PAPPA2: variants seen among roughly 807,000 people sequenced by gnomAD.
PAPPA2 encodes pappalysin 2.
Under a neutral mutation model 176.4 loss-of-function variants are expected in PAPPA2, and 86 were observed. That is an observed-to-expected ratio of 0.49 (90% confidence interval 0.41 to 0.58). The LOEUF is 0.58. PAPPA2 is among the 20% of genes least tolerant of loss of function. The pLI is 0.00. For missense variants in PAPPA2, 2,073 were observed against 2,256.9 expected, an observed-to-expected ratio of 0.92 and a Z score of 1.65; for synonymous variants, 809 against 852.2, an observed-to-expected ratio of 0.95 and a Z score of 0.88.
At chr1:176,599,733 T>C (rs1654205836) in intron 3 of PAPPA2, among the ~76,000 whole-genome samples, 1 of 151,886 alleles carries the variant, frequency 6.6e-6, no homozygotes, top group African/African-American at 2.4e-5. Flanking sequence ...TTTCTTTTTT[T>C]ATTATATTTT....
intron 19 of PAPPA2, among the ~76,000 whole-genome samples, chr1:176,791,759 G>A (rs1032151800): frequency 6.6e-6 from 1 of 152,046 alleles, no homozygotes; most frequent in Non-Finnish European, 1.5e-5. Flanking sequence ...TCACCAGGTT[G>A]GCCAGGCTGG....
At chr1:176,545,418 AT>A (rs1175674617) in intron 1 of PAPPA2, among the ~76,000 whole-genome samples, 5 of 91,244 alleles carry the variant, frequency 5.5e-5, no homozygotes, top group South Asian at 6.9e-4. Flanking sequence ...CTCAGAAAAA[AT>A]AAATAAATAA....
At chr1:176,524,325 ATGC>A (rs1649366342) in intron 1 of PAPPA2, among the ~76,000 whole-genome samples, 1 of 152,178 alleles carries the variant, frequency 6.6e-6, no homozygotes, top group Non-Finnish European at 1.5e-5. Flanking sequence ...ATGTCCAAGA[ATGC>A]TGGAATCTGG....
At chr1:176,546,296 T>C (rs1261491163) in intron 1 of PAPPA2, among the ~76,000 whole-genome samples, 1 of 152,178 alleles carries the variant, frequency 6.6e-6, no homozygotes, top group Non-Finnish European at 1.5e-5. Flanking sequence ...GCACTCTCTT[T>C]ACCTGGGACA....
chr1:176,801,933 A>G (rs1427790516), intron 21 of PAPPA2, among the ~76,000 whole-genome samples: 3 of 152,080 alleles, frequency 2.0e-5, no homozygotes, highest in Non-Finnish European at 2.9e-5. Flanking sequence ...TGATGTGACA[A>G]GGAACAAAAG....
At chr1:176,711,696 GAA>G (rs1411800578) in intron 11 of PAPPA2, 137 bp from the exon 12 acceptor site, 1 of 924,240 alleles carries the variant, frequency 1.1e-6, no homozygotes, top group Non-Finnish European at 1.6e-6. Context: ...TCAATGTTGA[GAA>G]AAGTTTTCTG....
intron 10 of PAPPA2, 95 bp downstream of exon 10, chr1:176,706,545 T>A: frequency 9.6e-7 from 1 of 1,044,874 alleles, no homozygotes; most frequent in South Asian, 1.4e-5. Flanking sequence ...AGCTTAGTGA[T>A]TATAATAATA....
intron 3 of PAPPA2, among the ~76,000 whole-genome samples, chr1:176,651,262 GT>G (rs201390410): frequency 5.4e-5 from 8 of 148,388 alleles, no homozygotes; most frequent in South Asian, 2.2e-4. Flanking sequence ...GCATATTAGT[GT>G]TTTTTTTTCA....
chr1:176,733,938 C>A (rs1185610156), intron 12 of PAPPA2, among the ~76,000 whole-genome samples: 12 of 151,972 alleles, frequency 7.9e-5, no homozygotes, highest in Admixed American at 2.0e-4. Flanking sequence ...ATACCACTCA[C>A]CCCAACCAAA....
rs575802033 is a variant in PAPPA2 at position 176,480,279 on chromosome 1, C to T, written c.-917+16861C>T. Among the ~76,000 whole-genome samples the T allele has an allele frequency of 7.1e-4, 108 of 152,272 alleles. 1 individual carries two copies. Among genetic ancestry groups the T allele is most frequent in the Non-Finnish European group, 2.9e-4 (20 of 68,026 alleles). On this transcript the variant is annotated intron_variant, in intron 1 of 22. Coordinates refer to ENST00000367662, the MANE Select transcript of PAPPA2 (RefSeq NM_020318.3). ...ATGCCTCCCCAGCTCCTGGGGCACC[C>T]GAAAGGGCAGCGCTGGATAAGTCTC...
At chr1:176,483,249 C>T (rs184467444) in intron 1 of PAPPA2, among the ~76,000 whole-genome samples, 13 of 152,046 alleles carry the variant, frequency 8.6e-5, no homozygotes, top group East Asian at 7.8e-4. Flanking sequence ...CAATCAGAAG[C>T]GACACTAGTG....
rs1303377617 is a variant in PAPPA2 at position 176,604,887 on chromosome 1, A to G, written c.1991+9292A>G. On this transcript the variant is annotated intron_variant, in intron 3 of 22. Transcript: ENST00000367662. ...TAGTAGAGTAAAAATTTACAGGCAG[A>G]GGATACTACTATGTATGGAAAAAGA... is the stretch of plus-strand genomic sequence containing the variant. 2.0e-5 allele frequency among the ~76,000 whole-genome samples: 3 copies of G among 152,260 alleles called. No individual in the cohort carries two copies. The East Asian group carries it at 5.8e-4, about 29-fold the overall frequency.
At chr1:176,770,293 A>G (rs578204176) in intron 16 of PAPPA2, among the ~76,000 whole-genome samples, 8 of 152,218 alleles carry the variant, frequency 5.3e-5, no homozygotes, top group South Asian at 2.1e-4. Flanking sequence ...CCTTTCTCCA[A>G]GAGATTCTTG....
At chr1:176,689,994 C>A in intron 4 of PAPPA2, 143 bp from the exon 5 acceptor site, 7 of 730,138 alleles carry the variant, frequency 9.6e-6, no homozygotes, top group East Asian at 2.6e-5. Flanking sequence ...GAAAGAAAAG[C>A]AATGACTGTA....
chr1:176,613,415 G>C (rs1655039522), intron 3 of PAPPA2, among the ~76,000 whole-genome samples: 2 of 152,202 alleles, frequency 1.3e-5, no homozygotes, highest in African/African-American at 4.8e-5. Context: ...TACAGAGCCA[G>C]TTGATTATTG....
At chr1:176,768,701 C>G (rs1664085731) in intron 15 of PAPPA2, among the ~76,000 whole-genome samples, 1 of 152,072 alleles carries the variant, frequency 6.6e-6, no homozygotes. Context: ...AGGACCTGGC[C>G]CTCTTAGGTG....
chr1:176,626,031 T>C (rs1401240518), intron 3 of PAPPA2, among the ~76,000 whole-genome samples: 1 of 151,970 alleles, frequency 6.6e-6, no homozygotes, highest in Non-Finnish European at 1.5e-5. Context: ...TCTAAAAAGA[T>C]TTGTAAAAAT....
intron 15 of PAPPA2, among the ~76,000 whole-genome samples, chr1:176,766,920 T>TG (rs973088941): frequency 1.3e-5 from 2 of 151,984 alleles, no homozygotes; most frequent in African/African-American, 4.8e-5. Flanking sequence ...TTTTTTTTTT[T>TG]GTGCCAATTG....
chr1:176,601,970 T>TA (rs1280160691), intron 3 of PAPPA2, among the ~76,000 whole-genome samples: 6 of 152,200 alleles, frequency 3.9e-5, no homozygotes, highest in Non-Finnish European at 8.8e-5. Context: ...GAACTCTGCT[T>TA]GTCTCTCTTT....
Sources: allele counts gnomAD v4.1 joint callset (sites outside exome capture counted in the v4.1 genomes callset), GRCh38; gene constraint gnomAD v4.1.1; transcripts MANE v1.5; gene names NCBI Gene and HGNC (gene_info 2026-07-23, HGNC 2026-07-21).